GALNT13: variants seen among roughly 807,000 people sequenced by gnomAD.
The protein encoded by GALNT13 is polypeptide N-acetylgalactosaminyltransferase 13, also known as UDP-GalNAc:polypeptide N-acetylgalactosaminyltransferase 13.
In GALNT13, 28 loss-of-function variants were observed where a neutral mutation model predicts 64.2. The observed-to-expected ratio is 0.44, with a 90% CI of 0.32 to 0.60. GALNT13 has a LOEUF of 0.60. GALNT13 is among the 20% of genes least tolerant of loss of function. The pLI, the probability that GALNT13 is intolerant of heterozygous loss-of-function variation, is 0.05. For missense variants in GALNT13, 577 were observed against 669.8 expected (o/e 0.86, Z 1.53); for synonymous variants, 214 against 224.6 (o/e 0.95, Z 0.42).
At chr2:154,214,688 G>T (rs1687952375) in intron 4 of GALNT13, among the ~76,000 whole-genome samples, 1 of 152,102 alleles carries the variant, frequency 6.6e-6, no homozygotes, top group Non-Finnish European at 1.5e-5. Context: ...TGTGAAGAAG[G>T]ACATGTTTGC....
the GALNT13 span, among the ~76,000 whole-genome samples, chr2:153,596,007 G>T: frequency 6.6e-6 from 1 of 152,196 alleles, no homozygotes; most frequent in African/African-American, 2.4e-5. Context: ...ACCCAGGTAA[G>T]ATTAGTTCTT....
At chr2:153,540,321 A>T in the GALNT13 span, among the ~76,000 whole-genome samples, 1 of 152,214 alleles carries the variant, frequency 6.6e-6, no homozygotes. Flanking sequence ...ACAAGAGTTG[A>T]TGTTTGGAAA....
chr2:153,290,286 A>G, the GALNT13 span, among the ~76,000 whole-genome samples: 2 of 152,208 alleles, frequency 1.3e-5, no homozygotes, highest in African/African-American at 4.8e-5. Flanking sequence ...TCATCCAGGC[A>G]GAGATGTTGT....
chr2:153,282,700 G>A, the GALNT13 span, among the ~76,000 whole-genome samples: 3 of 152,200 alleles, frequency 2.0e-5, no homozygotes. Flanking sequence ...ACAGGTATGA[G>A]CCACTGCACC....
the GALNT13 span, among the ~76,000 whole-genome samples, chr2:153,511,675 A>G: frequency 6.6e-6 from 1 of 152,238 alleles, no homozygotes; most frequent in Non-Finnish European, 1.5e-5. Context: ...AGTTCAGAAT[A>G]AATGAAGTGG....
intron 4 of GALNT13, among the ~76,000 whole-genome samples, chr2:154,147,794 T>G (rs751883866): frequency 6.6e-6 from 1 of 152,112 alleles, no homozygotes; most frequent in Non-Finnish European, 1.5e-5. Flanking sequence ...TTTTTACTTA[T>G]GTTTTTCCTA....
At chr2:153,950,245 A>T (rs919621359) in intron 3 of GALNT13, among the ~76,000 whole-genome samples, 1 of 151,860 alleles carries the variant, frequency 6.6e-6, no homozygotes, top group African/African-American at 2.4e-5. Flanking sequence ...TATATATAAA[A>T]TTTTTTCTAT....
At chr2:154,414,614 G>T (rs1362975321) in intron 11 of GALNT13, among the ~76,000 whole-genome samples, 3 of 151,588 alleles carry the variant, frequency 2.0e-5, no homozygotes, top group Non-Finnish European at 4.4e-5. Flanking sequence ...TTTAAAAACT[G>T]GCATTTAAAC....
At chr2:154,053,467 T>G (rs763745393) in intron 3 of GALNT13, among the ~76,000 whole-genome samples, 8 of 152,082 alleles carry the variant, frequency 5.3e-5, no homozygotes, top group Admixed American at 2.6e-4. Flanking sequence ...TTTTATGACC[T>G]AAAACTTTTC....
At chr2:154,208,080 C>T (rs896862934) in intron 4 of GALNT13, among the ~76,000 whole-genome samples, 2 of 151,910 alleles carry the variant, frequency 1.3e-5, no homozygotes, top group Non-Finnish European at 1.5e-5. Flanking sequence ...TCATAAGTTC[C>T]AGTTAGATCA....
At chr2:153,365,871 C>A in the GALNT13 span, among the ~76,000 whole-genome samples, 1 of 152,100 alleles carries the variant, frequency 6.6e-6, no homozygotes, top group Non-Finnish European at 1.5e-5. Context: ...CACCATTTGA[C>A]CCAGCAATCC....
chr2:153,315,736 C>T, the GALNT13 span, among the ~76,000 whole-genome samples: 2 of 152,110 alleles, frequency 1.3e-5, no homozygotes, highest in Non-Finnish European at 1.5e-5. Context: ...GCAGAATATA[C>T]GTTCTCTTTA....
the GALNT13 span, among the ~76,000 whole-genome samples, chr2:153,487,227 A>G: frequency 6.6e-6 from 1 of 152,248 alleles, no homozygotes; most frequent in Non-Finnish European, 1.5e-5. Flanking sequence ...CTATTTTCAG[A>G]TAACAAGCAG....
chr2:154,429,091 G>A lies in GALNT13; in HGVS notation c.1396-9501G>A, dbSNP rs189903598. 2.2e-4 allele frequency among the ~76,000 whole-genome samples: 33 copies of A among 152,196 alleles called. 2 individuals are homozygous for A. Among genetic ancestry groups the A allele is most frequent in the South Asian group, 1.5e-3 (7 of 4,822 alleles). On this transcript the variant is annotated intron_variant, in intron 11 of 12. Coordinates refer to ENST00000392825, the MANE Select transcript of GALNT13 (RefSeq NM_052917.4). ...TATCTCTCGCTCCACAGGGCTTCCT[G>A]TTCCTGAAACACAACAATATTGAAG... is the stretch of plus-strand genomic sequence containing the variant.
At chr2:153,755,329 A>G in the GALNT13 span, among the ~76,000 whole-genome samples, 1 of 152,078 alleles carries the variant, frequency 6.6e-6, no homozygotes, top group Non-Finnish European at 1.5e-5. Flanking sequence ...GGAACTCTAT[A>G]CAATTTTCCA....
chr2:154,031,931 T>C (rs1338542451), intron 3 of GALNT13, among the ~76,000 whole-genome samples: 2 of 152,026 alleles, frequency 1.3e-5, no homozygotes, highest in East Asian at 3.9e-4. Context: ...ATCTAATTTA[T>C]ATTTATATAA....
intron 4 of GALNT13, among the ~76,000 whole-genome samples, chr2:154,161,024 C>T (rs1460716933): frequency 6.6e-6 from 1 of 152,156 alleles, no homozygotes; most frequent in Non-Finnish European, 1.5e-5. Context: ...ATGCTTACCA[C>T]ATTTATCTGT....
At chr2:153,157,705 G>T in the GALNT13 span, among the ~76,000 whole-genome samples, 1 of 152,056 alleles carries the variant, frequency 6.6e-6, no homozygotes, top group African/African-American at 2.4e-5. Context: ...TTATGTCTCT[G>T]TGTATTTATG....
the GALNT13 span, among the ~76,000 whole-genome samples, chr2:153,085,835 G>C: frequency 6.6e-6 from 1 of 152,094 alleles, no homozygotes; most frequent in South Asian, 2.1e-4. Flanking sequence ...CCCCAGAATG[G>C]TAGATTCACT....
Sources: gnomAD v4.1 joint callset for allele counts (sites outside exome capture counted in the v4.1 genomes callset) on GRCh38, gnomAD v4.1.1 for gene constraint, MANE v1.5 for transcripts, NCBI Gene and HGNC (gene_info 2026-07-23, HGNC 2026-07-21) for gene names.